The following JHY variants were observed in gnomAD, a reference collection of about 807,000 sequenced individuals.
JHY encodes the protein junctional cadherin complex regulator, also known as jhy protein homolog.
A neutral mutation model predicts 78.0 loss-of-function variants in JHY; 69 were observed. That is an observed-to-expected ratio of 0.88 (90% CI 0.73 to 1.08). The LOEUF (loss-of-function observed/expected upper bound fraction) is 1.08. Among genes scored for constraint, JHY ranks in the 50% least tolerant of loss-of-function variants. The probability of loss-of-function intolerance (pLI) is 0.00; values close to 1 mark genes in which losing one functional copy is unlikely to be tolerated. For synonymous variants in JHY, 368 were observed against 342.6 expected (o/e 1.07, Z -0.82); for missense variants, 944 against 927.8 (o/e 1.02, Z -0.23).
chr11:122,933,638 C>T (rs2135353754), intron 4 of JHY, among the ~76,000 whole-genome samples: 1 of 152,318 alleles, frequency 6.6e-6, no homozygotes, highest in Admixed American at 6.5e-5. Context: ...GCCCTTGTGG[C>T]TTCACAGATG....
intron 2 of JHY, among the ~76,000 whole-genome samples, chr11:122,888,875 T>TA (rs1483423140): frequency 6.6e-6 from 1 of 152,196 alleles, no homozygotes; most frequent in East Asian, 1.9e-4. Context: ...ATTTTACAAT[T>TA]ATGCTTTTGA....
intron 2 of JHY, among the ~76,000 whole-genome samples, chr11:122,900,351 A>T (rs191862572): frequency 2.2e-3 from 341 of 152,260 alleles, no homozygotes; most frequent in African/African-American, 7.9e-3. Flanking sequence ...GCATACAATT[A>T]TGTCCTCTGT....
Position 122,960,469 on chromosome 11 carries a change from CT to C in JHY, c.*1026del. 4.2e-6 allele frequency: 1 copy of C among 237,152 alleles called. No homozygotes were observed. The highest frequency in any genetic ancestry group is 6.7e-5 in the South Asian group (1 of 14,972). The allele number at this position is 237,152 out of a possible 1,614,324, so 14.7% of individuals were successfully genotyped here. A position where few individuals can be genotyped will look rare whatever the true frequency, so the allele number is the denominator to read the frequency against. On this transcript the variant is annotated 3_prime_UTR_variant, in exon 9 of 9. Transcript: ENST00000227349. ...CTCCTTGCCCCTCTACCACCTCTTC[CT>C]TCCTTTTCCTATAGAGGAAAAGTTC... is the stretch of plus-strand genomic sequence containing the variant.
At chr11:122,932,568 C>T (rs1228385101) in intron 4 of JHY, among the ~76,000 whole-genome samples, 5 of 152,030 alleles carry the variant, frequency 3.3e-5, no homozygotes, top group Admixed American at 2.0e-4. Context: ...ACTTCTCTAG[C>T]GAGTTAAAGG....
intron 4 of JHY, among the ~76,000 whole-genome samples, chr11:122,933,133 TGA>T (rs1863671387): frequency 6.6e-6 from 1 of 152,216 alleles, no homozygotes; most frequent in Non-Finnish European, 1.5e-5. Flanking sequence ...AGGAATAGGA[TGA>T]GTCTTAGTGG....
At position 122,947,711 on chromosome 11, in the gene JHY, T is replaced by A. The variant is rs184295661; in HGVS notation, c.1929+919T>A. The stretch of plus-strand genomic sequence containing the variant: ...GAACAGACTGAAATGGAGATTTGCA[T>A]GCAGGAGGTCTCTAGACTGAAATAG... On this transcript the variant is annotated intron_variant, in intron 6 of 8. Coordinates refer to ENST00000227349, the MANE Select transcript of JHY (RefSeq NM_024806.4). 2.7e-3 allele frequency among the ~76,000 whole-genome samples: 404 copies of A among 152,266 alleles called. 1 individual carries two copies. The highest frequency in any genetic ancestry group is 8.9e-3 in the African/African-American group (368 of 41,542).
intron 2 of JHY, among the ~76,000 whole-genome samples, chr11:122,891,842 C>G (rs573336567): frequency 6.6e-6 from 1 of 152,072 alleles, no homozygotes; most frequent in South Asian, 2.1e-4. Flanking sequence ...AACGCTAAAG[C>G]CTGAGCCACT....
At chr11:122,919,848 G>C (rs1349908502) in intron 3 of JHY, among the ~76,000 whole-genome samples, 3 of 152,128 alleles carry the variant, frequency 2.0e-5, no homozygotes, top group African/African-American at 7.2e-5. Context: ...AAACGTTTCA[G>C]TGTCACCCAA....
chr11:122,918,420 A>C (rs1034565586), intron 3 of JHY, among the ~76,000 whole-genome samples: 2 of 151,412 alleles, frequency 1.3e-5, no homozygotes, highest in East Asian at 3.8e-4. Context: ...AGGATTGCTG[A>C]GGTGTTGGGA....
intron 2 of JHY, among the ~76,000 whole-genome samples, chr11:122,895,407 G>A (rs1176204482): frequency 6.6e-6 from 1 of 152,192 alleles, no homozygotes; most frequent in Admixed American, 6.5e-5. Flanking sequence ...ATTTTATTGT[G>A]AGTGCAAAGG....
At chr11:122,906,022 T>C (rs1023540619) in intron 3 of JHY, 2 of 152,186 alleles carry the variant, frequency 1.3e-5, no homozygotes, top group African/African-American at 4.8e-5. Context: ...AGGTGTAGTA[T>C]ATATAGCTGA....
intron 3 of JHY, among the ~76,000 whole-genome samples, chr11:122,916,219 C>T (rs1467680754): frequency 6.6e-6 from 1 of 152,060 alleles, no homozygotes; most frequent in African/African-American, 2.4e-5. Flanking sequence ...ATGATAAATA[C>T]TCGAGGTGAT....
At chr11:122,956,608 C>G (rs745769322) in intron 7 of JHY, 32 bp downstream of exon 7, 2 of 1,575,738 alleles carry the variant, frequency 1.3e-6, no homozygotes, top group Admixed American at 3.4e-5. Flanking sequence ...TGTTTCCAGA[C>G]CTGACTCAGC....
intron 3 of JHY, among the ~76,000 whole-genome samples, chr11:122,919,352 C>CAAAAAAA (rs72233254): frequency 7.1e-5 from 5 of 70,078 alleles, no homozygotes; most frequent in South Asian, 1.1e-3. Context: ...GACTCTGTCT[C>CAAAAAAA]AAAAAAAAAA....
At chr11:122,941,317 TC>T (rs1863871131) in intron 5 of JHY, among the ~76,000 whole-genome samples, 1 of 152,190 alleles carries the variant, frequency 6.6e-6, no homozygotes, top group Non-Finnish European at 1.5e-5. Context: ...ACTAGTGGGG[TC>T]ACACAGATAC....
In JHY at chr11:122,946,761, G is replaced by GA; in HGVS notation, c.1904dup (p.His636AlafsTer2). 30 of 1,608,908 alleles carry GA rather than the reference G, an allele frequency of 1.9e-5. No individual in the cohort carries two copies. The highest frequency in any genetic ancestry group is 2.5e-5 in the Non-Finnish European group (30 of 1,178,646). On this transcript the variant is annotated frameshift_variant, in exon 6 of 9. Transcript: ENST00000227349. LOFTEE classifies it high-confidence loss of function. The stretch of plus-strand genomic sequence containing the variant: ...GGCTATCTGTTTCAACTGGAAAAGG[G>GA]AAAAAAGCATAAGAAAAGAAGCAGC...
intron 5 of JHY, among the ~76,000 whole-genome samples, chr11:122,943,748 A>C (rs1349276025): frequency 1.3e-5 from 2 of 152,210 alleles, no homozygotes; most frequent in Non-Finnish European, 2.9e-5. Context: ...GCTTTCTGAT[A>C]CTAATACAGC....
At chr11:122,957,771 A>G (rs1047133916) in intron 8 of JHY, among the ~76,000 whole-genome samples, 8 of 150,932 alleles carry the variant, frequency 5.3e-5, no homozygotes, top group African/African-American at 1.7e-4. Flanking sequence ...GTAGCTACCC[A>G]TCATTCACAG....
chr11:122,921,918 A>G (rs981752317), intron 3 of JHY, among the ~76,000 whole-genome samples: 1 of 152,286 alleles, frequency 6.6e-6, no homozygotes, highest in Non-Finnish European at 1.5e-5. Context: ...CAGGAGGCGG[A>G]GGTTGTAAGC....
Sources: allele counts gnomAD v4.1 joint callset (sites outside exome capture counted in the v4.1 genomes callset), GRCh38; gene constraint gnomAD v4.1.1; transcripts MANE v1.5; gene names NCBI Gene and HGNC (gene_info 2026-07-23, HGNC 2026-07-21).